The following SLC33A1 variants were observed in gnomAD, a reference collection of about 807,000 sequenced individuals.
The protein encoded by SLC33A1 is acetyl-coenzyme A transporter 1.
SLC33A1 carries 20 observed loss-of-function variants against 50.0 expected under a neutral mutation model. The observed-to-expected ratio is 0.40, with a 90% CI of 0.28 to 0.58. The LOEUF is 0.58. Among genes scored for constraint, SLC33A1 ranks in the 20% least tolerant of loss-of-function variants. SLC33A1 has a pLI of 0.44. For synonymous variants in SLC33A1, 265 were observed against 251.8 expected, an observed-to-expected ratio of 1.05 and a Z score of -0.50; for missense variants, 476 against 657.0, an observed-to-expected ratio of 0.72 and a Z score of 3.01.
chr3:155,839,999 C>T (rs1192040586), intron 2 of SLC33A1, among the ~76,000 whole-genome samples: 1 of 151,740 alleles, frequency 6.6e-6, no homozygotes, highest in Non-Finnish European at 1.5e-5. Flanking sequence ...TATACGTATA[C>T]ACACATACAT....
intron 2 of SLC33A1, among the ~76,000 whole-genome samples, chr3:155,839,352 C>A (rs1180106710): frequency 1.1e-4 from 3 of 26,212 alleles, no homozygotes; most frequent in Non-Finnish European, 2.5e-4. Flanking sequence ...CCAGCCTGGG[C>A]AACAAAGCGA....
rs773852747 is a variant in SLC33A1 at position 155,833,850 on chromosome 3, T to C, written c.1148+7A>G. ...TCTTATTTAGTAAGGTTTTATTTCA[T>C]TTTTACCTGTAGGGCATGGCTTTGT... On this transcript the variant is annotated splice_region_variant and intron_variant, in intron 3 of 5. Coordinates refer to ENST00000643144, the MANE Select transcript of SLC33A1 (RefSeq NM_004733.4). 13 of 1,608,140 alleles carry C rather than the reference T, an allele frequency of 8.1e-6. No individual in the cohort carries two copies. The East Asian group carries it at 2.5e-4, about 30-fold the overall frequency.
At chr3:155,844,293 A>C (rs1213554345) in intron 1 of SLC33A1, among the ~76,000 whole-genome samples, 1 of 151,778 alleles carries the variant, frequency 6.6e-6, no homozygotes, top group African/African-American at 2.4e-5. Flanking sequence ...CGAGGAAAAG[A>C]AACTCAGAAT....
intron 2 of SLC33A1, among the ~76,000 whole-genome samples, chr3:155,836,440 G>C (rs1007215070): frequency 2.1e-4 from 32 of 151,232 alleles, no homozygotes; most frequent in Admixed American, 4.6e-4. Flanking sequence ...CTTAAGTCCA[G>C]AAAATAATTT....
At chr3:155,848,189 T>C (rs1560022200) in intron 1 of SLC33A1, among the ~76,000 whole-genome samples, 1 of 152,162 alleles carries the variant, frequency 6.6e-6, no homozygotes, top group East Asian at 1.9e-4. Flanking sequence ...CAGTGGTTAT[T>C]CACAGACACT....
intron 2 of SLC33A1, among the ~76,000 whole-genome samples, chr3:155,836,135 C>T (rs1752649028): frequency 3.3e-5 from 5 of 151,044 alleles, no homozygotes; most frequent in African/African-American, 1.2e-4. Flanking sequence ...AATACAAAAA[C>T]TAGCCAGGTG....
chr3:155,849,506 G>A (rs73873433), intron 1 of SLC33A1, among the ~76,000 whole-genome samples: 2,463 of 151,630 alleles, frequency 0.016, 76 homozygotes, highest in African/African-American at 0.057. Context: ...AGAAACAGCA[G>A]TCCACTACAG....
At chr3:155,842,392 C>G (rs749069368) in intron 2 of SLC33A1, 40 bp downstream of exon 2, 5 of 1,341,344 alleles carry the variant, frequency 3.7e-6, no homozygotes, top group Non-Finnish European at 5.3e-6. Context: ...GATATTGATA[C>G]TTATAAGAAA....
intron 1 of SLC33A1, among the ~76,000 whole-genome samples, chr3:155,843,431 T>C (rs1181293330): frequency 6.6e-5 from 10 of 152,274 alleles, no homozygotes; most frequent in African/African-American, 2.4e-4. Context: ...ATAAAAGGCA[T>C]TTGCTCACAC....
intron 2 of SLC33A1, among the ~76,000 whole-genome samples, chr3:155,836,733 C>T (rs1184593034): frequency 6.6e-6 from 1 of 151,986 alleles, no homozygotes; most frequent in Non-Finnish European, 1.5e-5. Context: ...CTCTTTTCTA[C>T]AAAATATTTT....
At chr3:155,851,628 G>T (rs1220146517) in intron 1 of SLC33A1, among the ~76,000 whole-genome samples, 2 of 149,522 alleles carry the variant, frequency 1.3e-5, no homozygotes, top group African/African-American at 5.0e-5. Context: ...ATGCTGGCCA[G>T]GCTGGTCTCA....
chr3:155,851,712 C>A (rs1753408608), intron 1 of SLC33A1, among the ~76,000 whole-genome samples: 1 of 152,128 alleles, frequency 6.6e-6, no homozygotes. Context: ...GCCACTGTGC[C>A]CGGCCAGCAG....
intron 2 of SLC33A1, among the ~76,000 whole-genome samples, chr3:155,839,030 T>C (rs183684865): frequency 6.6e-6 from 1 of 152,030 alleles, no homozygotes; most frequent in African/African-American, 2.4e-5. Context: ...GGCTCACACC[T>C]GTAATCCCAG....
chr3:155,847,868 A>G (rs1753239776), intron 1 of SLC33A1, among the ~76,000 whole-genome samples: 1 of 152,206 alleles, frequency 6.6e-6, no homozygotes, highest in Non-Finnish European at 1.5e-5. Flanking sequence ...TTTCAAAGCA[A>G]CACTTTCTCT....
At chr3:155,846,791 C>G (rs953319038) in intron 1 of SLC33A1, among the ~76,000 whole-genome samples, 2 of 152,096 alleles carry the variant, frequency 1.3e-5, no homozygotes, top group African/African-American at 4.8e-5. Context: ...ATTCCCCCTT[C>G]TCACCTCTGT....
chr3:155,835,041 T>A (rs1752592363), intron 2 of SLC33A1, among the ~76,000 whole-genome samples: 1 of 152,222 alleles, frequency 6.6e-6, no homozygotes, highest in Non-Finnish European at 1.5e-5. Flanking sequence ...ATATGGACTA[T>A]AATTAGACAA....
At chr3:155,850,847 T>C (rs1414183923) in intron 1 of SLC33A1, among the ~76,000 whole-genome samples, 1 of 151,636 alleles carries the variant, frequency 6.6e-6, no homozygotes, top group East Asian at 2.0e-4. Flanking sequence ...AAACTCCTGA[T>C]CTCAGGTGAT....
At chr3:155,839,577 G>T (rs1032530963) in intron 2 of SLC33A1, among the ~76,000 whole-genome samples, 1 of 152,054 alleles carries the variant, frequency 6.6e-6, no homozygotes, top group Non-Finnish European at 1.5e-5. Flanking sequence ...TTTCAAATAT[G>T]TAATGCTATA....
chr3:155,833,971 A>G lies in SLC33A1; in HGVS notation c.1034T>C (p.Leu345Ser), dbSNP rs2109313136. Residue 345 changes from leucine to serine, a missense_variant, in exon 3 of 6, where the codon TTA (leucine) becomes TCA (serine). By Grantham distance (145) the Leu-to-Ser change is moderately radical. Coordinates refer to ENST00000643144, the MANE Select transcript of SLC33A1 (RefSeq NM_004733.4). ...AACCATTGGAACTGCCAATAAGGCT[A>G]AATGTTCTTTGGGTACTCCCTCTTC... ...LVEEGVPKEH[L>S]ALLAVPMVPL... The G allele has an allele frequency of 1.9e-6, 3 of 1,613,858 alleles. No individual in the cohort carries two copies. Among genetic ancestry groups the G allele is most frequent in the Non-Finnish European group, 2.5e-6 (3 of 1,179,794 alleles).
Sources: gnomAD v4.1 joint callset for allele counts (sites outside exome capture counted in the v4.1 genomes callset) on GRCh38, gnomAD v4.1.1 for gene constraint, MANE v1.5 for transcripts, NCBI Gene and HGNC (gene_info 2026-07-23, HGNC 2026-07-21) for gene names.